The following ZNF518B variants were observed in gnomAD, a reference collection of about 807,000 sequenced individuals.
The protein encoded by ZNF518B is zinc finger protein 518B.
In ZNF518B, 23 loss-of-function variants were observed where a neutral mutation model predicts 56.3. The ratio of observed to expected loss-of-function variants is 0.41; its 90% confidence interval spans 0.29 to 0.58. The LOEUF is 0.58. Among genes scored for constraint, ZNF518B ranks in the 20% least tolerant of loss-of-function variants. The pLI is 0.32. For synonymous variants in ZNF518B, 529 were observed against 465.9 expected (o/e 1.14, Z -1.74); for missense variants, 1,460 against 1,272.1 (o/e 1.15, Z -2.25).
At chr4:10,457,875 C>T (rs999574645), upstream of ZNF518B, among the ~76,000 whole-genome samples, 1 of 152,212 alleles carries the variant, frequency 6.6e-6, no homozygotes, top group East Asian at 1.9e-4. Context: ...TCCTGACTCT[C>T]CCTACTCCTT....
chr4:10,443,471 G>C lies in ZNF518B; in HGVS notation c.2858C>G (p.Ser953Trp). 1 of 1,614,136 alleles carries C rather than the reference G, an allele frequency of 6.2e-7. No homozygotes were observed. The highest frequency in any genetic ancestry group is 8.5e-7 in the Non-Finnish European group (1 of 1,180,028). ...CTTCATCACATTGGTCACTTCTGGCGAGTCCACATCAGGGTGGTTTAACAC... is the reference window on the plus strand; with the variant it reads ...CTTCATCACATTGGTCACTTCTGGCCAGTCCACATCAGGGTGGTTTAACAC... ...VIVLNHPDVD[S>W]PEVTNVMKVI... The change falls in exon 3 of 3, where the codon TCG (serine) becomes TGG (tryptophan). Residue 953 changes from serine to tryptophan, a missense_variant. Ser to Trp is a radical substitution (Grantham distance 177, BLOSUM62 -3). Transcript: ENST00000326756.
rs942314302 is a variant in ZNF518B at position 10,457,363 on chromosome 4, CACCGCCGGCCGCAG to C, written c.-456_-443del. On this transcript the variant is annotated 5_prime_UTR_variant, in exon 1 of 3. Transcript: ENST00000326756. ...CCAGGTCCCGGCGAAGGGGCGTCTACACCGCCGGCCGCAGACCGCCGGCGCCGCGCCCGCTGTAG... is the reference window on the plus strand; with the variant it reads ...CCAGGTCCCGGCGAAGGGGCGTCTACACCGCCGGCGCCGCGCCCGCTGTAG... 1.3e-5 allele frequency: 2 copies of C among 151,934 alleles called. No homozygotes were observed. The highest frequency in any genetic ancestry group is 2.4e-5 in the African/African-American group (1 of 41,418). 9.4% of individuals were successfully genotyped at this position (151,934 alleles called of 1,614,324 possible). A position where few individuals can be genotyped will look rare whatever the true frequency, so the allele number is the denominator to read the frequency against.
At position 10,446,174 on chromosome 4, in the gene ZNF518B, G is replaced by A; in HGVS notation, c.155C>T (p.Ala52Val). 6.2e-7 allele frequency: 1 copy of A among 1,614,184 alleles called. No individual in the cohort carries two copies. Among genetic ancestry groups the A allele is most frequent in the Non-Finnish European group, 8.5e-7 (1 of 1,180,036 alleles). Residue 52 changes from alanine (A) to valine (V), a missense_variant, in exon 3 of 3, where the codon GCT (alanine) becomes GTT (valine). Ala to Val is a moderately conservative substitution (Grantham distance 64). Transcript: ENST00000326756. ...TLLYQGSEAE[A>V]AMMTIATCAK... ...ACATGTAGCAATGGTCATCATGGCA[G>A]CCTCTGCCTCTGAGCCTTGATACAA...
rs1352095706 is a variant in ZNF518B at position 10,445,634 on chromosome 4, C to A, written c.695G>T (p.Arg232Ile). ...VKAVAKLEPK[R>I]TGTSKQNPEL... ...TGGGTTTTGTTTTGAAGTTCCGGTTCTTTTTGGCTCCAGCTTGGCAACAGC... is the reference window on the plus strand; with the variant it reads ...TGGGTTTTGTTTTGAAGTTCCGGTTATTTTTGGCTCCAGCTTGGCAACAGC... Residue 232 changes from arginine to isoleucine, a missense_variant, in exon 3 of 3, where the codon AGA (arginine) becomes ATA (isoleucine). Physicochemically the swap from Arg to Ile is moderately conservative, Grantham distance 97. Transcript: ENST00000326756. 3.1e-6 allele frequency: 5 copies of A among 1,614,090 alleles called. No homozygotes were observed. The highest frequency in any genetic ancestry group is 1.7e-4 in the Middle Eastern group (1 of 6,060).
rs75487798 is a variant in ZNF518B at position 10,443,583 on chromosome 4, T to G, written c.2746A>C (p.Ile916Leu). Residue 916 changes from isoleucine (I) to leucine (L), a missense_variant, in exon 3 of 3, where the codon ATT becomes CTT. Ile to Leu is a conservative substitution (Grantham distance 5). Transcript: ENST00000326756. ...CTTAGTTGCCTTGCAACCTGAAAAA[T>G]TGAAGGATCCTTGAGACAGCGGCTA... ...EPSRCLKDPS[I>L]FQVARQLRLI... The G allele has an allele frequency of 6.2e-7, 1 of 1,614,142 alleles. No individual in the cohort carries two copies. The highest frequency in any genetic ancestry group is 8.5e-7 in the Non-Finnish European group (1 of 1,180,020).
chr4:10,460,314 A>C (rs1156944620), upstream of ZNF518B, among the ~76,000 whole-genome samples: 4 of 104,462 alleles, frequency 3.8e-5, no homozygotes, highest in African/African-American at 2.1e-4. Context: ...CAAAAAAAAA[A>C]AAAAAAAAAC....
rs1014319121 is a variant in ZNF518B at position 10,440,851 on chromosome 4, A to G, written c.*2253T>C. On this transcript the variant is annotated 3_prime_UTR_variant, in exon 3 of 3. Coordinates refer to ENST00000326756, the MANE Select transcript of ZNF518B (RefSeq NM_053042.3). ...TGTGGTGAGGAATAGGAGATAAAAA[A>G]GTGGCAAACAAAACAAAACAAAAAA... 1 of 152,336 alleles carries G rather than the reference A, an allele frequency of 6.6e-6. No homozygotes were observed. Among genetic ancestry groups the G allele is most frequent in the African/African-American group, 2.4e-5 (1 of 41,428 alleles). The allele number at this position is 152,336 out of a possible 1,614,324, so 9.4% of individuals were successfully genotyped here.
At position 10,443,211 on chromosome 4, in the gene ZNF518B, A is replaced by C; in HGVS notation, c.3118T>G (p.Phe1040Val). The C allele has an allele frequency of 6.2e-7, 1 of 1,614,220 alleles. No homozygotes were observed. The highest frequency in any genetic ancestry group is 8.5e-7 in the Non-Finnish European group (1 of 1,180,032). ...DSSQCVFKCWFCGRLYEDQEE... is the reference protein window; with the variant it reads ...DSSQCVFKCWVCGRLYEDQEE... ...TGGTCTTCATACAGTCGCCCACAAA[A>C]CCAGCACTTAAATACACACTGTGAA... The change falls in exon 3 of 3, where the codon TTT becomes GTT. Residue 1040 changes from phenylalanine (F) to valine (V), a missense_variant. Coordinates refer to ENST00000326756, the MANE Select transcript of ZNF518B (RefSeq NM_053042.3).
intron 2 of ZNF518B, chr4:10,452,807 G>C (rs1394597324): frequency 6.6e-6 from 1 of 152,226 alleles, no homozygotes; most frequent in African/African-American, 2.4e-5. Flanking sequence ...CTTGCACTGA[G>C]ATGACTGAAT....
chr4:10,458,848 A>G (rs1012174972), upstream of ZNF518B, among the ~76,000 whole-genome samples: 1 of 152,190 alleles, frequency 6.6e-6, no homozygotes, highest in Admixed American at 6.5e-5. Context: ...CCACATCAGG[A>G]AAAACTATTA....
rs779706243 is a variant in ZNF518B, at chr4:10,445,697, C to G, written c.632G>C (p.Arg211Thr). 6.2e-7 allele frequency: 1 copy of G among 1,614,152 alleles called. No individual in the cohort carries two copies. The highest frequency in any genetic ancestry group is 2.2e-5 in the East Asian group (1 of 44,878). Residue 211 changes from arginine (R) to threonine (T), a missense_variant, in exon 3 of 3, where the codon AGA (arginine) becomes ACA (threonine). By Grantham distance (71) the Arg-to-Thr change is moderately conservative. Transcript: ENST00000326756. The stretch of plus-strand genomic sequence containing the variant: ...TTTCGCACCTGCCCTTTCATGTACT[C>G]TCTTCGTGTGTTTGACAATATAATC... ...RNDYIVKHTKRVHERAGAKRP... is the reference protein window; with the variant it reads ...RNDYIVKHTKTVHERAGAKRP...
In ZNF518B at chr4:10,445,355, G is replaced by A. The variant is rs1408820743; in HGVS notation, c.974C>T (p.Pro325Leu). 2 of 1,614,084 alleles carry A rather than the reference G, an allele frequency of 1.2e-6. No individual in the cohort carries two copies. Among genetic ancestry groups the A allele is most frequent in the Non-Finnish European group, 1.7e-6 (2 of 1,180,042 alleles). The change falls in exon 3 of 3, where the codon CCA (proline) becomes CTA (leucine). Residue 325 changes from proline to leucine, a missense_variant. Coordinates refer to ENST00000326756, the MANE Select transcript of ZNF518B (RefSeq NM_053042.3). ...VLSPAKEPVQPGMPLTVVAPA... is the reference protein window; with the variant it reads ...VLSPAKEPVQLGMPLTVVAPA... Reference sequence around the variant, plus strand: ...TGCAACAACTGTCAATGGCATACCTGGCTGAACAGGTTCTTTTGCAGGGGA... The same window carrying A: ...TGCAACAACTGTCAATGGCATACCTAGCTGAACAGGTTCTTTTGCAGGGGA...
rs1037328572 is a variant in ZNF518B at position 10,457,392 on chromosome 4, G to T, written c.-471C>A. The T allele has an allele frequency of 2.0e-5, 3 of 151,916 alleles. No individual in the cohort carries two copies. Among genetic ancestry groups the T allele is most frequent in the Admixed American group, 6.6e-5 (1 of 15,258 alleles). 9.4% of individuals were successfully genotyped at this position (151,916 alleles called of 1,614,324 possible). On this transcript the variant is annotated 5_prime_UTR_variant, in exon 1 of 3. Transcript: ENST00000326756. ...GCCGGCCGCAGACCGCCGGCGCCGCGCCCGCTGTAGGTCCCTACCCGGGGG... is the reference window on the plus strand; with the variant it reads ...GCCGGCCGCAGACCGCCGGCGCCGCTCCCGCTGTAGGTCCCTACCCGGGGG...
rs907602782 is a variant in ZNF518B at position 10,440,117 on chromosome 4, T to C, written c.*2987A>G. 1.3e-5 allele frequency: 2 copies of C among 152,512 alleles called. No individual in the cohort carries two copies. The highest frequency in any genetic ancestry group is 2.9e-5 in the Non-Finnish European group (2 of 68,030). 9.4% of individuals were successfully genotyped at this position (152,512 alleles called of 1,614,324 possible). A position where few individuals can be genotyped will look rare whatever the true frequency, so the allele number is the denominator to read the frequency against. ...TCACATCTTCAACTTCTGAGATGGA[T>C]TATATATAACATGTCCTAAAGAAAA... On this transcript the variant is annotated 3_prime_UTR_variant, in exon 3 of 3. Transcript: ENST00000326756.
chr4:10,441,228 T>C lies in ZNF518B; in HGVS notation c.*1876A>G, dbSNP rs576739143. ...CATTATAAAATAGGAAATCAGAAAATTAGCTACTGCAATTTTCATATGGTA... is the reference window on the plus strand; with the variant it reads ...CATTATAAAATAGGAAATCAGAAAACTAGCTACTGCAATTTTCATATGGTA... On this transcript the variant is annotated 3_prime_UTR_variant, in exon 3 of 3. Coordinates refer to ENST00000326756, the MANE Select transcript of ZNF518B (RefSeq NM_053042.3). The C allele has an allele frequency of 6.6e-6, 1 of 152,600 alleles. No individual in the cohort carries two copies. The highest frequency in any genetic ancestry group is 2.1e-4 in the South Asian group (1 of 4,820). The allele number at this position is 152,600 out of a possible 1,614,324, so 9.5% of individuals were successfully genotyped here.
intron 1 of ZNF518B, among the ~76,000 whole-genome samples, chr4:10,456,023 C>T (rs535556409): frequency 1.3e-5 from 2 of 152,196 alleles, no homozygotes; most frequent in Admixed American, 6.5e-5. Flanking sequence ...TATTCCCATC[C>T]TCAGTCTCTG....
Position 10,444,467 on chromosome 4 carries a change from G to A in ZNF518B, c.1862C>T (p.Ser621Phe). The A allele has an allele frequency of 6.2e-7, 1 of 1,614,148 alleles. No homozygotes were observed. Among genetic ancestry groups the A allele is most frequent in the Non-Finnish European group, 8.5e-7 (1 of 1,180,030 alleles). The part of the protein sequence containing the change: ...PGDKPLELKN[S>F]ERTNNTNDGP... Reference sequence around the variant, plus strand: ...ATCATTAGTGTTGTTAGTCCTTTCAGAATTCTTTAATTCCAAAGGCTTATC... The same window carrying A: ...ATCATTAGTGTTGTTAGTCCTTTCAAAATTCTTTAATTCCAAAGGCTTATC... Residue 621 changes from serine to phenylalanine, a missense_variant, in exon 3 of 3, where the codon TCT (serine) becomes TTT (phenylalanine). By Grantham distance (155) the Ser-to-Phe change is radical. Transcript: ENST00000326756.
chr4:10,444,599 G>A lies in ZNF518B; in HGVS notation c.1730C>T (p.Thr577Ile). 6.2e-7 allele frequency: 1 copy of A among 1,614,138 alleles called. No homozygotes were observed. Among genetic ancestry groups the A allele is most frequent in the Non-Finnish European group, 8.5e-7 (1 of 1,180,028 alleles). The change falls in exon 3 of 3, where the codon ACA becomes ATA. Residue 577 changes from threonine to isoleucine, a missense_variant. Coordinates refer to ENST00000326756, the MANE Select transcript of ZNF518B (RefSeq NM_053042.3). ...SSNRKQEDNQTEEHKAVSTVG... is the reference protein window; with the variant it reads ...SSNRKQEDNQIEEHKAVSTVG... ...AGTTGAAACTGCCTTGTGTTCCTCTGTCTGGTTATCTTCCTGCTTCCTATT... is the reference window on the plus strand; with the variant it reads ...AGTTGAAACTGCCTTGTGTTCCTCTATCTGGTTATCTTCCTGCTTCCTATT...
Position 10,444,699 on chromosome 4 carries a change from C to T in ZNF518B, c.1630G>A (p.Gly544Ser), listed in dbSNP as rs756531480. 2.4e-5 allele frequency: 39 copies of T among 1,613,990 alleles called. No individual in the cohort carries two copies. Among genetic ancestry groups the T allele is most frequent in the Non-Finnish European group, 3.0e-5 (35 of 1,180,008 alleles). Reference protein sequence around the residue: ...PATCSFSGEKGLLPVSENDLE... With the variant: ...PATCSFSGEKSLLPVSENDLE... ...TCATTTTCACTTACAGGCAATAAGC[C>T]CTTTTCTCCAGAGAAGGAACAGGTT... The change falls in exon 3 of 3, where the codon GGC becomes AGC. Residue 544 changes from glycine (G) to serine (S), a missense_variant. Gly to Ser is a moderately conservative substitution (Grantham distance 56, BLOSUM62 0). Transcript: ENST00000326756.
Sources: gnomAD v4.1 joint callset for allele counts (sites outside exome capture counted in the v4.1 genomes callset) on GRCh38, gnomAD v4.1.1 for gene constraint, MANE v1.5 for transcripts, NCBI Gene and HGNC (gene_info 2026-07-23, HGNC 2026-07-21) for gene names.